The following TSHZ2 variants were observed in gnomAD, a reference collection of about 807,000 sequenced individuals.
TSHZ2 encodes teashirt zinc finger homeobox 2.
In TSHZ2, 21 loss-of-function variants were observed where a neutral mutation model predicts 74.4. The observed-to-expected ratio is 0.28, with a 90% CI of 0.20 to 0.41. The LOEUF is 0.41. TSHZ2 is among the 10% of genes least tolerant of loss of function. The pLI is 1.00. For synonymous variants in TSHZ2, 540 were observed against 515.3 expected, an observed-to-expected ratio of 1.05 and a Z score of -0.65; for missense variants, 1,244 against 1,293.5, an observed-to-expected ratio of 0.96 and a Z score of 0.59.
intron 1 of TSHZ2, among the ~76,000 whole-genome samples, chr20:53,155,682 C>A (rs1267815874): frequency 6.6e-6 from 1 of 152,032 alleles, no homozygotes; most frequent in Non-Finnish European, 1.5e-5. Flanking sequence ...TTTTTAGGAC[C>A]TGGGCCCAGG....
rs765996083 is a variant in TSHZ2 at position 53,191,770 on chromosome 20, G to A, written c.41-61729G>A. ...TGAATATTAGGACCTGTCAAGTACC[G>A]AACAGAAAGTACTGTAAGGAAGTCT... is the stretch of plus-strand genomic sequence containing the variant. On this transcript the variant is annotated intron_variant, in intron 1 of 2. Transcript: ENST00000371497. Among the ~76,000 whole-genome samples, 154 of 152,276 alleles carry A rather than the reference G, an allele frequency of 1.0e-3. 1 individual carries two copies. Among genetic ancestry groups the A allele is most frequent in the Non-Finnish European group, 1.7e-3 (113 of 68,030 alleles).
intron 1 of TSHZ2, among the ~76,000 whole-genome samples, chr20:53,203,959 C>T (rs1443268425): frequency 6.6e-6 from 1 of 151,708 alleles, no homozygotes; most frequent in African/African-American, 2.4e-5. Context: ...GTATAAAACA[C>T]ACTGAACTTG....
intron 2 of TSHZ2, among the ~76,000 whole-genome samples, chr20:53,342,412 G>A (rs1480958894): frequency 6.8e-6 from 1 of 147,364 alleles, no homozygotes; most frequent in Non-Finnish European, 1.5e-5. Flanking sequence ...GAACACTATT[G>A]TTCCATTTTA....
chr20:52,983,349 C>T lies in TSHZ2; in HGVS notation c.40+10016C>T, dbSNP rs78510711. On this transcript the variant is annotated intron_variant, in intron 1 of 2. Coordinates refer to ENST00000371497, the MANE Select transcript of TSHZ2 (RefSeq NM_173485.6). ...CAGTATTTACATGGGTTCTTCCTCA[C>T]AAATGAATGTTTTTTATTCTTGCAC... Among the ~76,000 whole-genome samples the T allele has an allele frequency of 2.0e-5, 3 of 152,316 alleles. No homozygotes were observed. In the East Asian group the frequency reaches 5.8e-4, roughly 29 times the overall value.
At position 53,459,014 on chromosome 20, in the gene TSHZ2, C is replaced by T. The variant is rs1048235088; in HGVS notation, c.*9-28130C>T. ...GGTCAATTTTGGAATAGGTGTGGTG[C>T]GGTGCTGAAAAAAATATATATTCTG... On this transcript the variant is annotated intron_variant, in intron 2 of 2. Coordinates refer to ENST00000371497, the MANE Select transcript of TSHZ2 (RefSeq NM_173485.6). Among the ~76,000 whole-genome samples the T allele has an allele frequency of 4.0e-3, 604 of 151,840 alleles. 7 individuals are homozygous for T. Among genetic ancestry groups the T allele is most frequent in the South Asian group, 0.026 (125 of 4,796 alleles).
At chr20:53,296,208 A>G (rs1381543818) in intron 2 of TSHZ2, among the ~76,000 whole-genome samples, 3 of 152,036 alleles carry the variant, frequency 2.0e-5, no homozygotes, top group African/African-American at 7.2e-5. Context: ...TCTCCTCTGA[A>G]GTCCAGAAAT....
At chr20:53,352,632 G>A (rs1446511553) in intron 2 of TSHZ2, among the ~76,000 whole-genome samples, 1 of 151,908 alleles carries the variant, frequency 6.6e-6, no homozygotes, top group African/African-American at 2.4e-5. Flanking sequence ...AAATTAACCA[G>A]GCAAGGTGGC....
chr20:53,282,500 C>T (rs1380377975), intron 2 of TSHZ2, among the ~76,000 whole-genome samples: 3 of 152,176 alleles, frequency 2.0e-5, no homozygotes, highest in Admixed American at 6.5e-5. Context: ...AGCGATATTA[C>T]CCCCATTTTA....
chr20:53,447,281 G>A (rs1418010798), intron 2 of TSHZ2, among the ~76,000 whole-genome samples: 1 of 152,180 alleles, frequency 6.6e-6, no homozygotes, highest in Non-Finnish European at 1.5e-5. Context: ...AAACAGGCTG[G>A]TGCAAGAAGG....
intron 2 of TSHZ2, among the ~76,000 whole-genome samples, chr20:53,349,021 C>T (rs1251458325): frequency 1.3e-5 from 2 of 152,206 alleles, no homozygotes; most frequent in African/African-American, 4.8e-5. Context: ...AGTCTTTATT[C>T]TAAGGGGCTG....
intron 1 of TSHZ2, among the ~76,000 whole-genome samples, chr20:53,241,855 T>G (rs529029267): frequency 6.6e-6 from 1 of 152,268 alleles, no homozygotes; most frequent in South Asian, 2.1e-4. Flanking sequence ...GAGATGAGAT[T>G]TGAACCCAGG....
In TSHZ2 at chr20:53,469,060, T is replaced by TATAC. The variant is rs1214775804; in HGVS notation, c.*9-18081_*9-18080insCATA. ...AATCGATATTTTATATATATATATA[T>TATAC]ATATATATATATATATATATATATG... is the stretch of plus-strand genomic sequence containing the variant. On this transcript the variant is annotated intron_variant, in intron 2 of 2. Transcript: ENST00000371497. Among the ~76,000 whole-genome samples the TATAC allele has an allele frequency of 6.7e-3, 809 of 120,308 alleles. 36 individuals are homozygous for TATAC. Among genetic ancestry groups the TATAC allele is most frequent in the African/African-American group, 0.025 (774 of 31,310 alleles). 78.9% of individuals were successfully genotyped at this position (120,308 alleles called of 152,430 possible).
intron 2 of TSHZ2, among the ~76,000 whole-genome samples, chr20:53,376,643 T>A (rs1196430648): frequency 1.3e-5 from 2 of 152,216 alleles, no homozygotes; most frequent in African/African-American, 4.8e-5. Flanking sequence ...ATTTCTCCAC[T>A]CATATCTGGT....
intron 2 of TSHZ2, among the ~76,000 whole-genome samples, chr20:53,436,539 A>ATT (rs1368192791): frequency 0.016 from 1,420 of 89,620 alleles, 90 homozygotes; most frequent in East Asian, 0.046. Flanking sequence ...TATTATTATT[A>ATT]TTATTATTAT....
intron 1 of TSHZ2, among the ~76,000 whole-genome samples, chr20:53,094,156 A>G (rs1985968748): frequency 1.3e-5 from 2 of 152,310 alleles, no homozygotes; most frequent in African/African-American, 4.8e-5. Flanking sequence ...AAAGTTAGAT[A>G]GTTGAGTAGA....
chr20:53,306,234 C>A (rs1200013015), intron 2 of TSHZ2, among the ~76,000 whole-genome samples: 1 of 152,194 alleles, frequency 6.6e-6, no homozygotes, highest in African/African-American at 2.4e-5. Context: ...CCCAGCTCAT[C>A]TGCTCTTCTT....
At chr20:53,209,178 C>G (rs986602580) in intron 1 of TSHZ2, among the ~76,000 whole-genome samples, 1 of 152,108 alleles carries the variant, frequency 6.6e-6, no homozygotes, top group African/African-American at 2.4e-5. Context: ...ATCTCCGTCT[C>G]CAAGGTTCAA....
intron 2 of TSHZ2, among the ~76,000 whole-genome samples, chr20:53,321,866 C>T (rs1245826407): frequency 6.6e-6 from 1 of 151,924 alleles, no homozygotes; most frequent in African/African-American, 2.4e-5. Context: ...CATGTGGTCT[C>T]AAGAGAAGGC....
At chr20:53,225,015 G>A (rs1047217776) in intron 1 of TSHZ2, among the ~76,000 whole-genome samples, 1 of 152,108 alleles carries the variant, frequency 6.6e-6, no homozygotes, top group Non-Finnish European at 1.5e-5. Flanking sequence ...TTTTGTCTTT[G>A]CAAGCAGTAT....
Sources: gnomAD v4.1 joint callset for allele counts (sites outside exome capture counted in the v4.1 genomes callset) on GRCh38, gnomAD v4.1.1 for gene constraint, MANE v1.5 for transcripts, NCBI Gene and HGNC (gene_info 2026-07-23, HGNC 2026-07-21) for gene names.